Variants in MYH10 observed in about 807,000 individuals in gnomAD.
MYH10 encodes myosin-10.
MYH10 carries 55 observed loss-of-function variants against 257.8 expected under a neutral mutation model. The ratio of observed to expected loss-of-function variants is 0.21; its 90% CI spans 0.17 to 0.27. The LOEUF (loss-of-function observed/expected upper bound fraction) is 0.27, where lower values mean the gene tolerates loss of function less well. Ranked by LOEUF, MYH10 falls within the 10% of genes least tolerant of loss-of-function variation. The pLI is 1.00. For synonymous variants in MYH10, 854 were observed against 921.7 expected, an observed-to-expected ratio of 0.93 and a Z score of 1.33; for missense variants, 1,631 against 2,500.6, an observed-to-expected ratio of 0.65 and a Z score of 7.42.
Position 8,504,916 on chromosome 17 carries a change from C to A in MYH10, c.3387-10G>T. 3.7e-6 allele frequency: 6 copies of A among 1,612,678 alleles called. No individual in the cohort carries two copies. Among genetic ancestry groups the A allele is most frequent in the Non-Finnish European group, 5.1e-6 (6 of 1,178,714 alleles). On this transcript the variant is annotated splice_polypyrimidine_tract_variant and intron_variant, in intron 27 of 42. Coordinates refer to ENST00000360416, the MANE Select transcript of MYH10 (RefSeq NM_001256012.3). This position sits in a 1 kb window ranked among gnomAD's most constrained non-coding sequence, Gnocchi z 5.6. ...TGTTTCATCATCACCTCTGTTAAAACACCCAGGCGCAAGAGGCACTCAGAG... is the reference window on the plus strand; with the variant it reads ...TGTTTCATCATCACCTCTGTTAAAAAACCCAGGCGCAAGAGGCACTCAGAG...
rs1322152286 is a variant in MYH10, at chr17:8,476,958, T to C, written c.5797A>G (p.Lys1933Glu). Residue 1933 changes from lysine (K) to glutamate (E), a missense_variant, in exon 42 of 43, where the codon AAA becomes GAA. Around this residue, in one of 11 missense-constraint regions of MYH10, gnomAD observed 343 missense variants for 389.5 expected, o/e 0.88. Coordinates refer to ENST00000360416, the MANE Select transcript of MYH10 (RefSeq NM_001256012.3). Reference protein sequence around the residue: ...EATRANASRRKLQRELDDATE... With the variant: ...EATRANASRRELQRELDDATE... ...GCATCATCCAGTTCCCGCTGGAGTT[T>C]ACGCCGAGATGCGTTGGCACGCGTC... is the stretch of plus-strand genomic sequence containing the variant. The C allele has an allele frequency of 2.5e-6, 4 of 1,614,098 alleles. No individual in the cohort carries two copies. Among genetic ancestry groups the C allele is most frequent in the Non-Finnish European group, 3.4e-6 (4 of 1,180,048 alleles).
At chr17:8,510,487 G>A (rs2081231557) in intron 24 of MYH10, among the ~76,000 whole-genome samples, 1 of 152,126 alleles carries the variant, frequency 6.6e-6, no homozygotes, top group South Asian at 2.1e-4. Context: ...TCAGGAAATT[G>A]TCACAGATGC....
At position 8,477,166 on chromosome 17, in the gene MYH10, C is replaced by A; in HGVS notation, c.5707-118G>T. On this transcript the variant is annotated intron_variant, in intron 41 of 42. Transcript: ENST00000360416. The surrounding 1 kb of genome is among the most constrained non-coding windows in gnomAD (Gnocchi z 4.2). ...TGTTACCCTTGTGAGCACGCGTGTA[C>A]ACGGATGTACACGCGTGCCTGGGGG... 9.3e-7 allele frequency: 1 copy of A among 1,073,112 alleles called. No individual in the cohort carries two copies. The highest frequency in any genetic ancestry group is 1.3e-6 in the Non-Finnish European group (1 of 753,174). The allele number at this position is 1,073,112 out of a possible 1,614,324, so 66.5% of individuals were successfully genotyped here.
At chr17:8,622,760 A>G in intron 2 of MYH10, 142 bp downstream of exon 2, 1 of 1,053,534 alleles carries the variant, frequency 9.5e-7, no homozygotes, top group Non-Finnish European at 1.3e-6. Context: ...AGCAAGCAAC[A>G]AATCTTTCTA....
chr17:8,488,391 C>G (rs1915224999), intron 35 of MYH10, among the ~76,000 whole-genome samples: 1 of 152,220 alleles, frequency 6.6e-6, no homozygotes, highest in Non-Finnish European at 1.5e-5. Flanking sequence ...CTTATCAGCC[C>G]ATGAGTCCAC....
Position 8,484,217 on chromosome 17 carries a change from C to T in MYH10, c.5096G>A (p.Arg1699Lys). The T allele has an allele frequency of 6.2e-7, 1 of 1,613,114 alleles. No homozygotes were observed. The highest frequency in any genetic ancestry group is 8.5e-7 in the Non-Finnish European group (1 of 1,179,586). The part of the protein sequence containing the change: ...QRELEEARAS[R>K]DEIFAQSKES... ...TTTGGATTGAGCAAAAATCTCATCT[C>T]TGGATGCACGAGCTTCTTCTAATTC... Residue 1699 changes from arginine to lysine, a missense_variant, in exon 37 of 43, where the codon AGA becomes AAA. This residue lies in a region of MYH10 where 463 missense variants were observed against 621.8 expected (regional missense o/e 0.74). Coordinates refer to ENST00000360416, the MANE Select transcript of MYH10 (RefSeq NM_001256012.3).
At chr17:8,530,560 A>C in intron 17 of MYH10, 63 bp downstream of exon 17, 3 of 628,226 alleles carry the variant, frequency 4.8e-6, no homozygotes, top group Non-Finnish European at 4.2e-6. Context: ...GTCCCCCCAC[A>C]CGTTTTTCCT....
At chr17:8,482,476 C>T (rs982123067) in intron 37 of MYH10, among the ~76,000 whole-genome samples, 5 of 152,202 alleles carry the variant, frequency 3.3e-5, no homozygotes, top group African/African-American at 1.2e-4. Flanking sequence ...AGGCCTGATC[C>T]CAGGGCCACT....
chr17:8,592,816 GAAAAAAAAAA>G (rs67151329), intron 3 of MYH10, among the ~76,000 whole-genome samples: 1 of 30,418 alleles, frequency 3.3e-5, no homozygotes, highest in Non-Finnish European at 5.8e-5. Flanking sequence ...AATGAAATCA[GAAAAAAAAAA>G]AAAAAAAAAA....
chr17:8,612,680 G>A (rs941770762), intron 2 of MYH10, among the ~76,000 whole-genome samples: 11 of 151,922 alleles, frequency 7.2e-5, no homozygotes, highest in African/African-American at 9.7e-5. Context: ...GTGAAACCCC[G>A]TCTCTACTAA....
At chr17:8,628,670 T>C (rs918927849) in intron 1 of MYH10, among the ~76,000 whole-genome samples, 1 of 152,210 alleles carries the variant, frequency 6.6e-6, no homozygotes, top group Non-Finnish European at 1.5e-5. Context: ...AAGGCCACTA[T>C]TGCTACTTAT....
rs947060382 is a variant in MYH10, at chr17:8,552,291, G to C, written c.821-147C>G. ...TATCCTGCAATGAACTATTCTAAAT[G>C]ACTGTCTTCCATCTGTGAAAAAAGA... On this transcript the variant is annotated intron_variant, in intron 8 of 42. Coordinates refer to ENST00000360416, the MANE Select transcript of MYH10 (RefSeq NM_001256012.3). This position sits in a 1 kb window ranked among gnomAD's most constrained non-coding sequence, Gnocchi z 4.8. The C allele has an allele frequency of 3.9e-5, 16 of 410,824 alleles. No individual in the cohort carries two copies. Among genetic ancestry groups the C allele is most frequent in the African/African-American group, 2.5e-4 (12 of 48,514 alleles). 25.4% of individuals were successfully genotyped at this position (410,824 alleles called of 1,614,324 possible).
chr17:8,563,559 C>A (rs1319839830), intron 7 of MYH10, among the ~76,000 whole-genome samples: 1 of 152,158 alleles, frequency 6.6e-6, no homozygotes, highest in African/African-American at 2.4e-5. Context: ...CTGTGTGCAG[C>A]CAGTGATCTG....
At position 8,623,257 on chromosome 17, in the gene MYH10, A is replaced by G. The variant is rs2085536082; in HGVS notation, c.-11T>C. 6.4e-7 allele frequency: 1 copy of G among 1,561,818 alleles called. No individual in the cohort carries two copies. On this transcript the variant is annotated 5_prime_UTR_variant, in exon 2 of 43. Coordinates refer to ENST00000360416, the MANE Select transcript of MYH10 (RefSeq NM_001256012.3). ...AGTTCTCTGCGCCATTGTAAATGGAACGATCCAAAAGCAATTGCCTCTAAG... is the reference window on the plus strand; with the variant it reads ...AGTTCTCTGCGCCATTGTAAATGGAGCGATCCAAAAGCAATTGCCTCTAAG...
intron 19 of MYH10, 129 bp downstream of exon 19, chr17:8,520,749 T>A: frequency 1.0e-6 from 1 of 1,001,074 alleles, no homozygotes; most frequent in Non-Finnish European, 1.4e-6. Context: ...AACCTCACTA[T>A]ATGTTTGCTA....
chr17:8,505,162 C>T (rs1424649618), intron 27 of MYH10, among the ~76,000 whole-genome samples: 2 of 152,222 alleles, frequency 1.3e-5, no homozygotes, highest in African/African-American at 2.4e-5. Context: ...CCTTTCCAAA[C>T]GACCATGCTT....
intron 30 of MYH10, 39 bp downstream of exon 30, chr17:8,499,231 T>A: frequency 6.3e-7 from 1 of 1,588,216 alleles, no homozygotes; most frequent in African/African-American, 1.3e-5. Flanking sequence ...AGGGACATGC[T>A]ACAGTGGGAC....
chr17:8,598,598 T>G (rs1418076028), intron 3 of MYH10, among the ~76,000 whole-genome samples: 1 of 152,224 alleles, frequency 6.6e-6, no homozygotes, highest in Admixed American at 6.5e-5. Context: ...ATACAAACTT[T>G]AATTTGTCTA....
chr17:8,504,390 C>T lies in MYH10; in HGVS notation c.3599+304G>A, dbSNP rs376804024. Among the ~76,000 whole-genome samples, 1 of 152,174 alleles carries T rather than the reference C, an allele frequency of 6.6e-6. No individual in the cohort carries two copies. Among genetic ancestry groups the T allele is most frequent in the East Asian group, 1.9e-4 (1 of 5,186 alleles). On this transcript the variant is annotated intron_variant, in intron 28 of 42. Transcript: ENST00000360416. The surrounding 1 kb of genome is among the most constrained non-coding windows in gnomAD (Gnocchi z 5.6). ...TATCTATCTAAATCTCTTTTCACTG[C>T]CCCCTGCTCTGTGTAGTTGTCACTC...
Sources: gnomAD v4.1 joint callset for allele counts (sites outside exome capture counted in the v4.1 genomes callset) on GRCh38, gnomAD v4.1.1 for gene constraint, gnomAD v4.1.1 regional missense constraint, Gnocchi (gnomAD v3.1) non-coding constraint, MANE v1.5 for transcripts, NCBI Gene and HGNC (gene_info 2026-07-23, HGNC 2026-07-21) for gene names.